The following MARCHF1 variants were observed in gnomAD, a reference collection of about 807,000 sequenced individuals.
MARCHF1 encodes E3 ubiquitin-protein ligase MARCHF1.
In MARCHF1, 40 loss-of-function variants were observed where a neutral mutation model predicts 54.2. That is an observed-to-expected ratio of 0.74 (90% confidence interval 0.57 to 0.96). The LOEUF is 0.96. Among genes scored for constraint, MARCHF1 ranks in the 40% least tolerant of loss-of-function variants. The pLI is 0.00. For missense variants in MARCHF1, 586 were observed against 656.5 expected, an observed-to-expected ratio of 0.89 and a Z score of 1.17; for synonymous variants, 236 against 236.3, an observed-to-expected ratio of 1.00 and a Z score of 0.01.
intron 4 of MARCHF1, among the ~76,000 whole-genome samples, chr4:163,769,785 T>C (rs1203085043): frequency 6.6e-6 from 1 of 152,148 alleles, no homozygotes; most frequent in Non-Finnish European, 1.5e-5. Flanking sequence ...GAATGGCATA[T>C]ACAATACAAA....
intron 1 of MARCHF1, among the ~76,000 whole-genome samples, chr4:164,210,272 T>C (rs562596246): frequency 1.2e-4 from 18 of 152,294 alleles, no homozygotes; most frequent in African/African-American, 3.8e-4. Context: ...GCTGATGGCT[T>C]AAAGCTGAAG....
At chr4:164,272,765 T>G (rs2111312624) in intron 1 of MARCHF1, among the ~76,000 whole-genome samples, 1 of 152,014 alleles carries the variant, frequency 6.6e-6, no homozygotes, top group African/African-American at 2.4e-5. Flanking sequence ...CTACATTATA[T>G]ATTTTCTATG....
At chr4:163,959,665 TAA>T (rs573082891) in intron 3 of MARCHF1, among the ~76,000 whole-genome samples, 3 of 151,766 alleles carry the variant, frequency 2.0e-5, no homozygotes, top group Admixed American at 6.6e-5. Context: ...AAAATCAACT[TAA>T]GAGAGATTAT....
chr4:163,553,624 T>C (rs1436549078), intron 8 of MARCHF1, among the ~76,000 whole-genome samples: 3 of 152,226 alleles, frequency 2.0e-5, no homozygotes, highest in African/African-American at 4.8e-5. Flanking sequence ...AATATCATTA[T>C]AGGTTTTAAT....
chr4:164,167,561 A>T (rs539159750), intron 1 of MARCHF1, among the ~76,000 whole-genome samples: 1 of 141,708 alleles, frequency 7.1e-6, no homozygotes, highest in African/African-American at 2.9e-5. Flanking sequence ...TAAAAAGTAT[A>T]GTATTGTAAA....
At chr4:163,789,912 T>C (rs943168947) in intron 4 of MARCHF1, among the ~76,000 whole-genome samples, 1 of 152,126 alleles carries the variant, frequency 6.6e-6, no homozygotes, top group African/African-American at 2.4e-5. Flanking sequence ...TCACTAATGA[T>C]GCAAGTAAAA....
chr4:163,706,668 T>G, intron 4 of MARCHF1, among the ~76,000 whole-genome samples: 1 of 152,008 alleles, frequency 6.6e-6, no homozygotes, highest in East Asian at 1.9e-4. Flanking sequence ...CCTCTACAAA[T>G]TGACATATGA....
chr4:164,382,553 A>T (rs1299528290), intron 1 of MARCHF1, among the ~76,000 whole-genome samples: 1 of 152,204 alleles, frequency 6.6e-6, no homozygotes, highest in African/African-American at 2.4e-5. Context: ...GTAGTGGATG[A>T]AAACAGAAAA....
At chr4:163,588,537 A>G (rs1740482601) in intron 7 of MARCHF1, among the ~76,000 whole-genome samples, 2 of 152,236 alleles carry the variant, frequency 1.3e-5, no homozygotes. Context: ...AATAAATTAT[A>G]GACAATAAGA....
At chr4:163,978,938 G>A (rs115383247) in intron 3 of MARCHF1, among the ~76,000 whole-genome samples, 2,112 of 151,314 alleles carry the variant, frequency 0.014, 57 homozygotes, top group African/African-American at 0.047. Flanking sequence ...TGTTGCCGGC[G>A]ATGCTGGTCT....
chr4:164,369,045 C>T (rs1730958387), intron 1 of MARCHF1, among the ~76,000 whole-genome samples: 1 of 150,530 alleles, frequency 6.6e-6, no homozygotes, highest in African/African-American at 2.5e-5. Flanking sequence ...AAGGGTCCAT[C>T]AGAGTTGTCC....
intron 2 of MARCHF1, among the ~76,000 whole-genome samples, chr4:164,100,770 G>T (rs574108120): frequency 6.6e-6 from 1 of 152,214 alleles, no homozygotes; most frequent in African/African-American, 2.4e-5. Context: ...CAAGATGGCC[G>T]AATAGGAACA....
intron 1 of MARCHF1, among the ~76,000 whole-genome samples, chr4:164,176,964 C>CCATATATATA (rs1367492961): frequency 6.3e-5 from 3 of 47,708 alleles, no homozygotes; most frequent in Non-Finnish European, 1.1e-4. Flanking sequence ...CTCTCTCTCT[C>CCATATATATA]TCTCTCTCTC....
At chr4:164,233,861 G>T (rs1049640257) in intron 1 of MARCHF1, among the ~76,000 whole-genome samples, 1 of 152,016 alleles carries the variant, frequency 6.6e-6, no homozygotes, top group African/African-American at 2.4e-5. Context: ...TACCAAGAAA[G>T]AAAATGGTGA....
At chr4:163,872,919 C>G (rs563753640) in intron 3 of MARCHF1, among the ~76,000 whole-genome samples, 12 of 152,172 alleles carry the variant, frequency 7.9e-5, no homozygotes, top group Non-Finnish European at 1.5e-4. Flanking sequence ...TGGCGGGCGC[C>G]TGTAGTCCCA....
At chr4:163,700,568 GGAA>G (rs1203781538) in intron 5 of MARCHF1, among the ~76,000 whole-genome samples, 1 of 149,854 alleles carries the variant, frequency 6.7e-6, no homozygotes, top group African/African-American at 2.5e-5. Context: ...AAGGAAGGAA[GGAA>G]GGAAGGAAGG....
intron 1 of MARCHF1, among the ~76,000 whole-genome samples, chr4:164,362,341 G>A (rs529734308): frequency 3.9e-5 from 6 of 152,130 alleles, no homozygotes; most frequent in Non-Finnish European, 7.4e-5. Flanking sequence ...GGAAAATAGT[G>A]ATGTACCCCA....
intron 1 of MARCHF1, among the ~76,000 whole-genome samples, chr4:164,216,136 C>CA (rs1279568610): frequency 1.3e-5 from 2 of 151,948 alleles, no homozygotes; most frequent in Non-Finnish European, 2.9e-5. Context: ...AACAAACAAA[C>CA]AAAAAAATCT....
intron 3 of MARCHF1, among the ~76,000 whole-genome samples, chr4:163,935,289 G>A (rs947144431): frequency 5.0e-4 from 76 of 152,166 alleles, no homozygotes; most frequent in Admixed American, 1.3e-3. Context: ...CTTTGAAGTC[G>A]GGCATTGACT....
Sources: gnomAD v4.1 joint callset for allele counts (sites outside exome capture counted in the v4.1 genomes callset) on GRCh38, gnomAD v4.1.1 for gene constraint, MANE v1.5 for transcripts, NCBI Gene and HGNC (gene_info 2026-07-23, HGNC 2026-07-21) for gene names.